The following FCRL4 variants were observed in gnomAD, a reference collection of about 807,000 sequenced individuals.
The protein encoded by FCRL4 is Fc receptor like 4, also known as Fc receptor-like protein 4.
In FCRL4, 43 loss-of-function variants were observed where a neutral mutation model predicts 64.1. The observed-to-expected ratio is 0.67, with a 90% confidence interval of 0.53 to 0.87. The LOEUF (loss-of-function observed/expected upper bound fraction) is 0.87. FCRL4 is among the 40% of genes least tolerant of loss of function. The pLI, the probability that FCRL4 is intolerant of heterozygous loss-of-function variation, is 0.00. For synonymous variants in FCRL4, 253 were observed against 239.8 expected, an observed-to-expected ratio of 1.05 and a Z score of -0.51; for missense variants, 656 against 613.5, an observed-to-expected ratio of 1.07 and a Z score of -0.73.
Position 157,586,347 on chromosome 1 carries a change from GT to G in FCRL4, c.955del (p.Thr319ProfsTer22), listed in dbSNP as rs766509900. ...GTCCTCTCGGTGCCAGGAGAATGTG[GT>G]ATCCCCTGTGCCTTCAGCCACGGAG... The part of the protein sequence containing the change: ...VCSVAEGTGD[T>X]TFSWHREDMQ... On this transcript the variant is annotated frameshift_variant, in exon 6 of 12. Coordinates refer to ENST00000271532, the MANE Select transcript of FCRL4 (RefSeq NM_031282.3). LOFTEE classifies it high-confidence loss of function. 2.3e-5 allele frequency: 37 copies of G among 1,613,590 alleles called. No individual in the cohort carries two copies. Among genetic ancestry groups the G allele is most frequent in the Admixed American group, 5.0e-5 (3 of 59,986 alleles).
At position 157,588,077 on chromosome 1, in the gene FCRL4, T is replaced by C; in HGVS notation, c.350A>G (p.Asp117Gly). 6.2e-7 allele frequency: 1 copy of C among 1,613,924 alleles called. No homozygotes were observed. The highest frequency in any genetic ancestry group is 2.2e-5 in the East Asian group (1 of 44,860). ...TCTGTGGCATCTCAGAACCAATGTG[T>C]CACCTTCAAACACAGAATATGGTGC... Reference protein sequence around the residue: ...LQAPYSVFEGDTLVLRCHRRR... With the variant: ...LQAPYSVFEGGTLVLRCHRRR... Residue 117 changes from aspartate to glycine, a missense_variant, in exon 4 of 12, where the codon GAC becomes GGC. Coordinates refer to ENST00000271532, the MANE Select transcript of FCRL4 (RefSeq NM_031282.3).
chr1:157,596,681 C>T (rs970713333), intron 1 of FCRL4, among the ~76,000 whole-genome samples: 1 of 152,138 alleles, frequency 6.6e-6, no homozygotes, highest in Non-Finnish European at 1.5e-5. Context: ...TGGCTGCTGT[C>T]ATTAATTTTT....
intron 8 of FCRL4, among the ~76,000 whole-genome samples, chr1:157,579,210 A>T (rs995129527): frequency 6.6e-6 from 1 of 152,138 alleles, no homozygotes; most frequent in Non-Finnish European, 1.5e-5. Context: ...TCTACACAGA[A>T]TAAAATAAAG....
At chr1:157,581,393 A>AGTGT in intron 7 of FCRL4, 138 bp downstream of exon 7, 2 of 656,432 alleles carry the variant, frequency 3.0e-6, no homozygotes, top group Non-Finnish European at 5.3e-6. Context: ...GACGGACGTG[A>AGTGT]GTGTGTGTGA....
intron 10 of FCRL4, among the ~76,000 whole-genome samples, chr1:157,578,181 T>G (rs572194893): frequency 1.4e-4 from 21 of 152,298 alleles, no homozygotes; most frequent in African/African-American, 5.1e-4. Flanking sequence ...TACAAACATT[T>G]ATTCATTCAG....
intron 1 of FCRL4, among the ~76,000 whole-genome samples, chr1:157,596,760 C>T (rs1652975862): frequency 6.6e-6 from 1 of 152,104 alleles, no homozygotes; most frequent in African/African-American, 2.4e-5. Flanking sequence ...TAATTTGGAA[C>T]TCAAAATGAG....
chr1:157,590,518 C>G (rs1009751766), intron 2 of FCRL4, among the ~76,000 whole-genome samples: 1 of 132,404 alleles, frequency 7.6e-6, no homozygotes, highest in Non-Finnish European at 1.6e-5. Flanking sequence ...GTTAGTCTGT[C>G]TTTTTTTTTT....
At chr1:157,585,375 T>C (rs1289856531) in intron 6 of FCRL4, among the ~76,000 whole-genome samples, 1 of 119,132 alleles carries the variant, frequency 8.4e-6, no homozygotes, top group Non-Finnish European at 1.8e-5. Flanking sequence ...TCTTTCTTTC[T>C]TTCTTTCTTT....
chr1:157,589,225 C>T lies in FCRL4; in HGVS notation c.286G>A (p.Val96Met). The change falls in exon 3 of 12, where the codon GTG (valine) becomes ATG (methionine). Residue 96 changes from valine to methionine, a missense_variant. Physicochemically the swap from Val to Met is conservative, Grantham distance 21 (BLOSUM62 1). Coordinates refer to ENST00000271532, the MANE Select transcript of FCRL4 (RefSeq NM_031282.3). ...TCACCTGAAGAAAAGAGCAAGCGCA[C>T]AGGGTTACTTCGTGGGGAGCCCCGG... ...QARGSPRSNP[V>M]RLLFSSDSLI... 1.2e-6 allele frequency: 2 copies of T among 1,613,896 alleles called. No individual in the cohort carries two copies. Among genetic ancestry groups the T allele is most frequent in the Admixed American group, 1.7e-5 (1 of 60,006 alleles).
chr1:157,590,415 T>C (rs1353871658), intron 2 of FCRL4, among the ~76,000 whole-genome samples: 2 of 152,142 alleles, frequency 1.3e-5, no homozygotes, highest in Non-Finnish European at 2.9e-5. Context: ...ATTCAACCTG[T>C]GTAAATCTCA....
chr1:157,581,247 T>A (rs901075482), intron 7 of FCRL4, among the ~76,000 whole-genome samples: 13 of 152,208 alleles, frequency 8.5e-5, no homozygotes, highest in African/African-American at 2.9e-4. Context: ...CTAAGTAAAC[T>A]GTTCAGATAA....
intron 7 of FCRL4, 136 bp from the exon 8 acceptor site, chr1:157,580,484 A>C: frequency 1.1e-6 from 1 of 869,890 alleles, no homozygotes; most frequent in Non-Finnish European, 1.9e-6. Flanking sequence ...GTTTTCATGA[A>C]AATGAGGTGA....
chr1:157,581,715 G>GTTACCCAACCAA, intron 6 of FCRL4, 71 bp from the exon 7 acceptor site: 3 of 1,242,932 alleles, frequency 2.4e-6, no homozygotes, highest in Non-Finnish European at 3.5e-6. Flanking sequence ...TCCTCAGCTT[G>GTTACCCAACCAA]GTTGGGTAAC....
rs984456171 is a variant in FCRL4, at chr1:157,578,463, C to T, written c.1429+11G>A. On this transcript the variant is annotated intron_variant, in intron 10 of 11. Transcript: ENST00000271532. ...ATAGTTTGCAGCCAGAATCTCTTCC[C>T]AAAGACGTACCTTCCTCTTCTTCTC... is the stretch of plus-strand genomic sequence containing the variant. The T allele has an allele frequency of 5.6e-6, 9 of 1,609,278 alleles. No homozygotes were observed. The highest frequency in any genetic ancestry group is 6.8e-6 in the Non-Finnish European group (8 of 1,175,742).
At chr1:157,585,336 T>TTCCC (rs1652650917) in intron 6 of FCRL4, among the ~76,000 whole-genome samples, 1 of 129,740 alleles carries the variant, frequency 7.7e-6, no homozygotes, top group Non-Finnish European at 1.6e-5. Context: ...CTCTCTTTCT[T>TTCCC]TCTCTCTCTC....
At chr1:157,579,693 G>A (rs1029881530) in intron 8 of FCRL4, among the ~76,000 whole-genome samples, 3 of 134,068 alleles carry the variant, frequency 2.2e-5, no homozygotes, top group African/African-American at 7.8e-5. Context: ...CTCCAGCCTG[G>A]GTGACAATAC....
rs1652785396 is a variant in FCRL4 at position 157,589,431 on chromosome 1, A to G, written c.80T>C (p.Val27Ala). The G allele has an allele frequency of 1.2e-6, 2 of 1,614,008 alleles. No homozygotes were observed. Among genetic ancestry groups the G allele is most frequent in the Non-Finnish European group, 1.7e-6 (2 of 1,179,988 alleles). ...SAAAHKPVIS[V>A]HPPWTTFFKG... is the part of the protein sequence containing the mutation. ...GAAGAATGTGGTCCATGGAGGATGG[A>G]CGGAAATCACAGGTTTGTGTGCAGC... is the stretch of plus-strand genomic sequence containing the variant. Residue 27 changes from valine (V) to alanine (A), a missense_variant, in exon 3 of 12, where the codon GTC becomes GCC. Val to Ala is a moderately conservative substitution (Grantham distance 64, BLOSUM62 0). Coordinates refer to ENST00000271532, the MANE Select transcript of FCRL4 (RefSeq NM_031282.3).
chr1:157,584,839 CT>C (rs1266423510), intron 6 of FCRL4, among the ~76,000 whole-genome samples: 1 of 152,058 alleles, frequency 6.6e-6, no homozygotes, highest in African/African-American at 2.4e-5. Context: ...AACAGTGCAG[CT>C]GTTTTTGGGG....
At chr1:157,575,773 G>A in intron 10 of FCRL4, 43 bp from the exon 11 acceptor site, 3 of 1,597,990 alleles carry the variant, frequency 1.9e-6, no homozygotes, top group Admixed American at 1.7e-5. Flanking sequence ...GCATAATGAT[G>A]CACTTAGAAC....
Sources: gnomAD v4.1 joint callset for allele counts (sites outside exome capture counted in the v4.1 genomes callset) on GRCh38, gnomAD v4.1.1 for gene constraint, MANE v1.5 for transcripts, NCBI Gene and HGNC (gene_info 2026-07-23, HGNC 2026-07-21) for gene names.